The following NPAS3 variants were observed in gnomAD, a reference collection of about 807,000 sequenced individuals.
The protein encoded by NPAS3 is neuronal PAS domain-containing protein 3.
A neutral mutation model predicts 73.1 loss-of-function variants in NPAS3; 14 were observed. That is an observed-to-expected ratio of 0.19 (90% CI 0.13 to 0.30). NPAS3 has a LOEUF of 0.30. NPAS3 is among the 10% of genes least tolerant of loss of function. The probability of loss-of-function intolerance (pLI) is 1.00; values close to 1 mark genes in which losing one functional copy is unlikely to be tolerated. For missense variants in NPAS3, 1,096 were observed against 1,250.0 expected (o/e 0.88, Z 1.86); for synonymous variants, 620 against 541.5 (o/e 1.14, Z -2.01).
chr14:33,796,913 G>A (rs1347411890), intron 10 of NPAS3, among the ~76,000 whole-genome samples: 2 of 152,310 alleles, frequency 1.3e-5, no homozygotes, highest in East Asian at 3.9e-4. Flanking sequence ...TGGGTGTGTT[G>A]ACAGTTTGGT....
At chr14:33,753,122 A>G (rs547288342) in intron 7 of NPAS3, among the ~76,000 whole-genome samples, 1 of 152,296 alleles carries the variant, frequency 6.6e-6, no homozygotes, top group East Asian at 1.9e-4. Context: ...ACTTTTACAA[A>G]AATAAAAATT....
intron 2 of NPAS3, among the ~76,000 whole-genome samples, chr14:33,144,843 C>A (rs1010639717): frequency 6.6e-6 from 1 of 152,200 alleles, no homozygotes; most frequent in African/African-American, 2.4e-5. Flanking sequence ...ATCCTCCTAT[C>A]TTGGCCTCCC....
chr14:32,946,340 A>ACGCACG (rs1424763574), intron 1 of NPAS3, among the ~76,000 whole-genome samples: 10 of 98,828 alleles, frequency 1.0e-4, no homozygotes, highest in Non-Finnish European at 1.5e-4. Context: ...CCCAACACAC[A>ACGCACG]CACACGCGCA....
At chr14:33,196,281 A>C (rs1234788581) in intron 2 of NPAS3, among the ~76,000 whole-genome samples, 1 of 152,190 alleles carries the variant, frequency 6.6e-6, no homozygotes, top group Non-Finnish European at 1.5e-5. Context: ...TCTGCTTACA[A>C]ATCACTTTTA....
chr14:33,290,263 A>G (rs977286911), intron 3 of NPAS3, among the ~76,000 whole-genome samples: 2 of 152,210 alleles, frequency 1.3e-5, no homozygotes, highest in Admixed American at 1.3e-4. Flanking sequence ...CACTAGAGAT[A>G]TGAGCATGCT....
At chr14:33,047,831 T>A (rs2040562723) in intron 1 of NPAS3, among the ~76,000 whole-genome samples, 1 of 152,188 alleles carries the variant, frequency 6.6e-6, no homozygotes, top group Non-Finnish European at 1.5e-5. Flanking sequence ...CCTTCCTGAG[T>A]CAGTTTTCTC....
intron 2 of NPAS3, among the ~76,000 whole-genome samples, chr14:33,199,442 C>T (rs1039018985): frequency 2.0e-5 from 3 of 152,148 alleles, no homozygotes; most frequent in South Asian, 2.1e-4. Context: ...TTCAGTGACT[C>T]GGCATTCTGA....
chr14:33,654,843 A>G (rs896810983), intron 5 of NPAS3, among the ~76,000 whole-genome samples: 5 of 152,192 alleles, frequency 3.3e-5, no homozygotes, highest in African/African-American at 1.2e-4. Context: ...TATTGCAATC[A>G]TAGTTTTATT....
At chr14:33,589,799 A>G (rs1339966624) in intron 5 of NPAS3, among the ~76,000 whole-genome samples, 2 of 152,252 alleles carry the variant, frequency 1.3e-5, no homozygotes, top group Non-Finnish European at 2.9e-5. Context: ...TGGGAAATAC[A>G]TCTTCCTTTA....
intron 1 of NPAS3, among the ~76,000 whole-genome samples, chr14:32,959,540 C>A (rs2036820782): frequency 6.6e-6 from 1 of 152,124 alleles, no homozygotes; most frequent in South Asian, 2.1e-4. Flanking sequence ...TTTATTTTTG[C>A]CAGTTTAAAA....
chr14:33,505,351 A>G (rs1377584460), intron 4 of NPAS3, among the ~76,000 whole-genome samples: 1 of 151,956 alleles, frequency 6.6e-6, no homozygotes, highest in Non-Finnish European at 1.5e-5. Flanking sequence ...TCTCTAGGGG[A>G]AAAAAATCAA....
chr14:33,794,157 G>T (rs1033834629), intron 10 of NPAS3, 113 bp downstream of exon 10: 14 of 922,244 alleles, frequency 1.5e-5, no homozygotes, highest in African/African-American at 3.3e-5. Context: ...ACAGTACCTG[G>T]TGTGGAATTT....
intron 6 of NPAS3, among the ~76,000 whole-genome samples, chr14:33,727,641 G>A (rs1334616048): frequency 6.6e-6 from 1 of 151,680 alleles, no homozygotes; most frequent in Non-Finnish European, 1.5e-5. Flanking sequence ...GAAAAAGAAG[G>A]AAGGAAATAA....
chr14:33,287,853 G>A (rs2041941691), intron 3 of NPAS3, among the ~76,000 whole-genome samples: 1 of 152,154 alleles, frequency 6.6e-6, no homozygotes, highest in Non-Finnish European at 1.5e-5. Context: ...CTGGAATTCA[G>A]TGCATGTACA....
chr14:33,636,416 C>T (rs924412090), intron 5 of NPAS3, among the ~76,000 whole-genome samples: 30 of 152,270 alleles, frequency 2.0e-4, no homozygotes, highest in Admixed American at 1.4e-3. Flanking sequence ...ACAGCTATAG[C>T]GGTTTTCTTT....
chr14:33,573,879 G>A (rs954474473), intron 5 of NPAS3, among the ~76,000 whole-genome samples: 3 of 152,184 alleles, frequency 2.0e-5, no homozygotes, highest in African/African-American at 7.2e-5. Context: ...TTACATTAGG[G>A]CACACCAGTG....
chr14:33,226,618 C>T (rs974530761), intron 3 of NPAS3, among the ~76,000 whole-genome samples: 2 of 152,092 alleles, frequency 1.3e-5, no homozygotes, highest in African/African-American at 2.4e-5. Context: ...AAACCAAATA[C>T]AGTTGCTAGG....
chr14:33,326,723 G>A (rs1053486186), intron 3 of NPAS3, among the ~76,000 whole-genome samples: 43 of 152,206 alleles, frequency 2.8e-4, no homozygotes, highest in African/African-American at 9.9e-4. Flanking sequence ...CCCAAGAGAC[G>A]TGGGCAATGG....
intron 2 of NPAS3, among the ~76,000 whole-genome samples, chr14:33,181,824 T>C (rs938285083): frequency 1.3e-5 from 2 of 152,230 alleles, no homozygotes; most frequent in African/African-American, 4.8e-5. Context: ...CAGTTTTTAC[T>C]GCATGTAAAT....
Sources: gnomAD v4.1 joint callset for allele counts (sites outside exome capture counted in the v4.1 genomes callset) on GRCh38, gnomAD v4.1.1 for gene constraint, MANE v1.5 for transcripts, NCBI Gene and HGNC (gene_info 2026-07-23, HGNC 2026-07-21) for gene names.